Variants in TDP1 observed in about 807,000 individuals in gnomAD.
The protein encoded by TDP1 is tyr-DNA phosphodiesterase 1.
A neutral mutation model predicts 81.5 loss-of-function variants in TDP1; 64 were observed. That is an observed-to-expected ratio of 0.79 (90% confidence interval 0.64 to 0.97). The LOEUF is 0.97. TDP1 is among the 50% of genes least tolerant of loss of function. The pLI is 0.00. For missense variants in TDP1, 723 were observed against 743.8 expected, an observed-to-expected ratio of 0.97 and a Z score of 0.33; for synonymous variants, 256 against 264.3, an observed-to-expected ratio of 0.97 and a Z score of 0.30.
intron 14 of TDP1, among the ~76,000 whole-genome samples, chr14:90,016,457 T>C (rs542823964): frequency 6.6e-6 from 1 of 152,272 alleles, no homozygotes; most frequent in African/African-American, 2.4e-5. Flanking sequence ...TCACCAGGTA[T>C]GTATTTTTTC....
chr14:89,960,639 A>G (rs113464893), intron 2 of TDP1, among the ~76,000 whole-genome samples: 4,690 of 152,340 alleles, frequency 0.031, 109 homozygotes, highest in African/African-American at 0.067. Context: ...TCTACAGTCA[A>G]TAAGGCTTTG....
chr14:90,033,252 C>T, intron 16 of TDP1, 38 bp downstream of exon 16: 1 of 1,203,926 alleles, frequency 8.3e-7, no homozygotes, highest in Non-Finnish European at 1.2e-6. Context: ...GGTGGATATG[C>T]ATAAGAAAAA....
upstream of TDP1, chr14:89,955,224 G>C (rs1891447824): frequency 6.5e-6 from 1 of 152,786 alleles, no homozygotes; most frequent in Admixed American, 6.5e-5. Context: ...GATAATCCCA[G>C]CACCTAGCAC....
intron 2 of TDP1, among the ~76,000 whole-genome samples, chr14:89,957,716 CCTGAG>C (rs1256866094): frequency 6.6e-6 from 1 of 152,186 alleles, no homozygotes; most frequent in Non-Finnish European, 1.5e-5. Flanking sequence ...CTAACAGTGT[CCTGAG>C]CTAGCATTTG....
chr14:89,965,745 A>G, intron 3 of TDP1: 1 of 984,544 alleles, frequency 1.0e-6, no homozygotes, highest in Non-Finnish European at 1.2e-6. Context: ...GTCCACATTT[A>G]TAAAATCTTT....
At chr14:89,957,763 T>C (rs1383222951) in intron 2 of TDP1, among the ~76,000 whole-genome samples, 2 of 152,244 alleles carry the variant, frequency 1.3e-5, no homozygotes, top group Non-Finnish European at 2.9e-5. Context: ...TTCATGTTAG[T>C]GCAGTGTTTG....
At position 89,956,701 on chromosome 14, in the gene TDP1, C is replaced by T. The variant is rs372434611; in HGVS notation, c.-107C>T. ...TCACTTGAGGTTAGGAGTTTGAGAT[C>T]AGCCCGGGCAACATGGTGAAACCCC... On this transcript the variant is annotated 5_prime_UTR_variant, in exon 2 of 17. Coordinates refer to ENST00000335725, the MANE Select transcript of TDP1 (RefSeq NM_018319.4). 6.6e-6 allele frequency: 1 copy of T among 152,214 alleles called. No individual in the cohort carries two copies. Among genetic ancestry groups the T allele is most frequent in the African/African-American group, 2.4e-5 (1 of 41,446 alleles). 9.4% of individuals were successfully genotyped at this position (152,214 alleles called of 1,614,324 possible). A position where few individuals can be genotyped will look rare whatever the true frequency, so the allele number is the denominator to read the frequency against.
At chr14:90,033,272 C>G (rs777949253) in intron 16 of TDP1, 58 bp downstream of exon 16, 1 of 1,009,914 alleles carries the variant, frequency 9.9e-7, no homozygotes, top group Non-Finnish European at 1.6e-6. Flanking sequence ...ACAAACAGAG[C>G]CCAGGAGAAG....
intron 7 of TDP1, among the ~76,000 whole-genome samples, chr14:89,979,312 A>ATT (rs879808194): frequency 3.5e-5 from 5 of 144,734 alleles, no homozygotes; most frequent in East Asian, 2.0e-4. Context: ...ACATTTAACA[A>ATT]TTTTTTTTTT....
At chr14:90,039,730 ATCC>A (rs1366002362) in intron 16 of TDP1, among the ~76,000 whole-genome samples, 2 of 152,170 alleles carry the variant, frequency 1.3e-5, no homozygotes, top group Non-Finnish European at 2.9e-5. Context: ...GACAATCCTT[ATCC>A]TCTGTGAGTT....
At chr14:90,034,536 C>G (rs989294184) in intron 16 of TDP1, among the ~76,000 whole-genome samples, 1 of 152,232 alleles carries the variant, frequency 6.6e-6, no homozygotes, top group African/African-American at 2.4e-5. Context: ...GCCTCACAGG[C>G]TGCTCTGCTG....
At chr14:90,022,720 C>T in intron 15 of TDP1, 1 of 983,904 alleles carries the variant, frequency 1.0e-6, no homozygotes, top group Non-Finnish European at 1.2e-6. Context: ...TCTATGTTGT[C>T]TACTGATATG....
intron 2 of TDP1, among the ~76,000 whole-genome samples, chr14:89,961,962 A>T (rs1301911048): frequency 6.6e-6 from 1 of 152,156 alleles, no homozygotes; most frequent in Non-Finnish European, 1.5e-5. Flanking sequence ...AAAGTATCAC[A>T]TTGAGGAACT....
Position 89,975,825 on chromosome 14 carries a change from T to C in TDP1, c.791+10T>C, listed in dbSNP as rs1273806263. ...TTGGAACACACCACACGTAAGCACT[T>C]TTTGTGAAATAGGGGAACCCCTCAA... On this transcript the variant is annotated intron_variant, in intron 7 of 16. Coordinates refer to ENST00000335725, the MANE Select transcript of TDP1 (RefSeq NM_018319.4). 1 of 1,609,258 alleles carries C rather than the reference T, an allele frequency of 6.2e-7. No individual in the cohort carries two copies. Among genetic ancestry groups the C allele is most frequent in the South Asian group, 1.1e-5 (1 of 90,986 alleles).
chr14:90,039,316 T>A (rs556327998), intron 16 of TDP1, among the ~76,000 whole-genome samples: 2 of 152,378 alleles, frequency 1.3e-5, no homozygotes, highest in African/African-American at 4.8e-5. Flanking sequence ...CTAGCTGGCA[T>A]GTCTCGTACA....
intron 16 of TDP1, chr14:90,042,800 T>C (rs965186130): frequency 2.4e-6 from 2 of 846,502 alleles, no homozygotes; most frequent in Non-Finnish European, 2.8e-6. Context: ...TCCCACGATA[T>C]GTGGGAATTA....
At chr14:89,966,511 ACT>A (rs1273805561) in intron 4 of TDP1, among the ~76,000 whole-genome samples, 2 of 152,104 alleles carry the variant, frequency 1.3e-5, no homozygotes, top group South Asian at 4.2e-4. Flanking sequence ...GACTGAGTTA[ACT>A]CTGGTGCATA....
At position 89,984,620 on chromosome 14, in the gene TDP1, A is replaced by G; in HGVS notation, c.989A>G (p.Tyr330Cys). Residue 330 changes from tyrosine to cysteine, a missense_variant, in exon 9 of 17, where the codon TAT (tyrosine) becomes TGT (cysteine). By Grantham distance (194) the Tyr-to-Cys change is radical. Transcript: ENST00000335725. ...GATCTCATCAGTTACTTGATGGCTTATAATGCCCCTTCTCTCAAGGAGTGG... is the reference window on the plus strand; with the variant it reads ...GATCTCATCAGTTACTTGATGGCTTGTAATGCCCCTTCTCTCAAGGAGTGG... ...KADLISYLMAYNAPSLKEWID... is the reference protein window; with the variant it reads ...KADLISYLMACNAPSLKEWID... 2 of 1,614,190 alleles carry G rather than the reference A, an allele frequency of 1.2e-6. No homozygotes were observed. Among genetic ancestry groups the G allele is most frequent in the Non-Finnish European group, 1.7e-6 (2 of 1,180,032 alleles).
At chr14:90,029,602 G>A (rs866132410) in intron 15 of TDP1, among the ~76,000 whole-genome samples, 11 of 150,276 alleles carry the variant, frequency 7.3e-5, no homozygotes, top group Admixed American at 2.0e-4. Flanking sequence ...GGATTCCAGC[G>A]ATTCTCCTGT....
Sources: gnomAD v4.1 joint callset for allele counts (sites outside exome capture counted in the v4.1 genomes callset) on GRCh38, gnomAD v4.1.1 for gene constraint, MANE v1.5 for transcripts, NCBI Gene and HGNC (gene_info 2026-07-23, HGNC 2026-07-21) for gene names.